The following WWOX variants were observed in gnomAD, a reference collection of about 807,000 sequenced individuals.
WWOX encodes WW domain-containing oxidoreductase.
A neutral mutation model predicts 46.2 loss-of-function variants in WWOX; 69 were observed. The ratio of observed to expected loss-of-function variants is 1.49; its 90% CI spans 1.23 to 1.82. The LOEUF (loss-of-function observed/expected upper bound fraction) is 1.82. WWOX is among the 40% of genes most tolerant of loss of function. WWOX has a pLI of 0.00. For synonymous variants in WWOX, 359 were observed against 202.6 expected (o/e 1.77, Z -6.56); for missense variants, 919 against 542.6 (o/e 1.69, Z -6.89).
At chr16:79,111,063 T>G (rs556145378) in intron 8 of WWOX, among the ~76,000 whole-genome samples, 1 of 152,296 alleles carries the variant, frequency 6.6e-6, no homozygotes, top group Admixed American at 6.5e-5. Flanking sequence ...TTTGTACCCT[T>G]AACACCCACA....
rs528786006 is a variant in WWOX, at chr16:79,045,133, G to A, written c.1057-166475G>A. On this transcript the variant is annotated intron_variant, in intron 8 of 8. Coordinates refer to ENST00000566780, the MANE Select transcript of WWOX (RefSeq NM_016373.4). Reference sequence around the variant, plus strand: ...CATTCGTTCATTCATTTATTCTTTCGTAAATTCTATCGCATTAACCTTTAC... The same window carrying A: ...CATTCGTTCATTCATTTATTCTTTCATAAATTCTATCGCATTAACCTTTAC... 9.8e-4 allele frequency among the ~76,000 whole-genome samples: 149 copies of A among 152,212 alleles called. 2 individuals are homozygous for A. In the Middle Eastern group the frequency reaches 0.017, roughly 17 times the overall value.
chr16:78,558,180 C>T (rs780939696), intron 8 of WWOX, among the ~76,000 whole-genome samples: 9 of 152,142 alleles, frequency 5.9e-5, no homozygotes, highest in South Asian at 4.1e-4. Context: ...ACCGCCTTCC[C>T]GGAGGTCAGC....
intron 6 of WWOX, among the ~76,000 whole-genome samples, chr16:78,394,551 C>A (rs1050754568): frequency 9.2e-5 from 14 of 152,066 alleles, no homozygotes; most frequent in Non-Finnish European, 5.9e-5. Context: ...AAAAATATTT[C>A]TGAAATAGAT....
intron 8 of WWOX, among the ~76,000 whole-genome samples, chr16:78,930,414 A>T (rs2045598555): frequency 6.8e-6 from 1 of 147,106 alleles, no homozygotes. Context: ...AGTAGCTGGG[A>T]CTACAGGTGT....
intron 8 of WWOX, among the ~76,000 whole-genome samples, chr16:78,732,344 A>G (rs1218735244): frequency 6.6e-6 from 1 of 152,116 alleles, no homozygotes; most frequent in Non-Finnish European, 1.5e-5. Context: ...AACTCAATCT[A>G]GCGTAGGTAG....
At chr16:78,948,623 T>A (rs376076125) in intron 8 of WWOX, among the ~76,000 whole-genome samples, 1 of 152,128 alleles carries the variant, frequency 6.6e-6, no homozygotes, top group African/African-American at 2.4e-5. Flanking sequence ...CTGAAGAGCA[T>A]AAACTTGGGG....
At chr16:78,274,671 G>T (rs2079544684) in intron 5 of WWOX, among the ~76,000 whole-genome samples, 1 of 152,108 alleles carries the variant, frequency 6.6e-6, no homozygotes, top group Non-Finnish European at 1.5e-5. Context: ...TTTGTCTTCT[G>T]CATTGGCTTC....
intron 8 of WWOX, among the ~76,000 whole-genome samples, chr16:78,556,793 G>T (rs2044308243): frequency 6.6e-6 from 1 of 151,998 alleles, no homozygotes; most frequent in South Asian, 2.1e-4. Flanking sequence ...TCGGCTCACT[G>T]CAAACTACCC....
chr16:78,686,528 C>G (rs1249365596), intron 8 of WWOX, among the ~76,000 whole-genome samples: 1 of 151,176 alleles, frequency 6.6e-6, no homozygotes, highest in Non-Finnish European at 1.5e-5. Flanking sequence ...AAAAAGAAAT[C>G]TGTTAGAAAT....
At chr16:78,276,563 G>T (rs181988693) in intron 5 of WWOX, among the ~76,000 whole-genome samples, 56 of 152,346 alleles carry the variant, frequency 3.7e-4, no homozygotes, top group Non-Finnish European at 6.9e-4. Flanking sequence ...CCTTCTGGAA[G>T]TAGGTTGGTT....
intron 8 of WWOX, among the ~76,000 whole-genome samples, chr16:78,461,816 A>C (rs1020294891): frequency 6.6e-6 from 1 of 152,082 alleles, no homozygotes; most frequent in Non-Finnish European, 1.5e-5. Context: ...TACTCTATTT[A>C]TTTTAGGGGA....
At chr16:78,136,857 C>G (rs1413622090) in intron 4 of WWOX, among the ~76,000 whole-genome samples, 1 of 152,138 alleles carries the variant, frequency 6.6e-6, no homozygotes, top group Non-Finnish European at 1.5e-5. Flanking sequence ...CTAATCCTGA[C>G]CACCACAATT....
chr16:79,212,340 G>C lies in WWOX; in HGVS notation c.*544G>C. 1.5e-6 allele frequency: 1 copy of C among 670,874 alleles called. No homozygotes were observed. Among genetic ancestry groups the C allele is most frequent in the South Asian group, 2.3e-5 (1 of 42,844 alleles). The allele number at this position is 670,874 out of a possible 1,614,324, so 41.6% of individuals were successfully genotyped here. On this transcript the variant is annotated 3_prime_UTR_variant, in exon 9 of 9. Coordinates refer to ENST00000566780, the MANE Select transcript of WWOX (RefSeq NM_016373.4). ...CTCAGAACCTTGTCCCAGCCAGTGAGGATGACAGTGACACCCAGAGGGAGT... is the reference window on the plus strand; with the variant it reads ...CTCAGAACCTTGTCCCAGCCAGTGACGATGACAGTGACACCCAGAGGGAGT...
intron 8 of WWOX, among the ~76,000 whole-genome samples, chr16:78,676,083 C>T (rs2047591574): frequency 6.6e-6 from 1 of 152,004 alleles, no homozygotes; most frequent in Admixed American, 6.6e-5. Context: ...GACGTTACTA[C>T]TCCATAAGCA....
intron 4 of WWOX, among the ~76,000 whole-genome samples, chr16:78,134,468 A>G (rs12927803): frequency 0.79 from 120,239 of 151,998 alleles, 47,774 homozygotes; most frequent in East Asian, 0.91. Context: ...TTTTATTATG[A>G]CAATTGGTAT....
rs145925046 is a variant in WWOX at position 78,980,585 on chromosome 16, C to G, written c.1057-231023C>G. On this transcript the variant is annotated intron_variant, in intron 8 of 8. Transcript: ENST00000566780. ...CGAAGCGTTTTCTTTTACCATCTCT[C>G]AGGATCCTATGTAGGTATCCTGATG... Among the ~76,000 whole-genome samples the G allele has an allele frequency of 1.3e-3, 203 of 152,270 alleles. 2 individuals are homozygous for G. Among genetic ancestry groups the G allele is most frequent in the African/African-American group, 4.7e-3 (196 of 41,546 alleles).
chr16:78,514,144 G>T (rs2085431615), intron 8 of WWOX, among the ~76,000 whole-genome samples: 1 of 152,136 alleles, frequency 6.6e-6, no homozygotes, highest in South Asian at 2.1e-4. Context: ...AGAGGCTTCA[G>T]ACGTCAGAAA....
In WWOX at chr16:78,386,988, G is replaced by C. The variant is rs765467892; in HGVS notation, c.605+40G>C. 8 of 1,578,836 alleles carry C rather than the reference G, an allele frequency of 5.1e-6. No homozygotes were observed. In the South Asian group the frequency reaches 7.7e-5, roughly 15 times the overall value. ...GGAGGGTTATAGATCATAATTTCTT[G>C]CTATTGTAATATCTTTATCAGATGA... On this transcript the variant is annotated intron_variant, in intron 6 of 8. Coordinates refer to ENST00000566780, the MANE Select transcript of WWOX (RefSeq NM_016373.4).
intron 8 of WWOX, among the ~76,000 whole-genome samples, chr16:78,979,978 A>G (rs1400279423): frequency 2.0e-5 from 3 of 152,124 alleles, no homozygotes; most frequent in East Asian, 1.9e-4. Flanking sequence ...AATACAAAAA[A>G]TTAGCTGGGT....
Sources: allele counts gnomAD v4.1 joint callset (sites outside exome capture counted in the v4.1 genomes callset), GRCh38; gene constraint gnomAD v4.1.1; transcripts MANE v1.5; gene names NCBI Gene and HGNC (gene_info 2026-07-23, HGNC 2026-07-21).